The following GALNT13 variants were observed in gnomAD, a reference collection of about 807,000 sequenced individuals.
GALNT13 encodes UDP-GalNAc:polypeptide N-acetylgalactosaminyltransferase 13.
Under a neutral mutation model 64.2 loss-of-function variants are expected in GALNT13, and 28 were observed. The ratio of observed to expected loss-of-function variants is 0.44; its 90% CI spans 0.32 to 0.60. GALNT13 has a LOEUF of 0.60. Ranked by LOEUF, GALNT13 falls within the 20% of genes least tolerant of loss-of-function variation. GALNT13 has a pLI of 0.05. For synonymous variants in GALNT13, 214 were observed against 224.6 expected, an observed-to-expected ratio of 0.95 and a Z score of 0.42; for missense variants, 577 against 669.8, an observed-to-expected ratio of 0.86 and a Z score of 1.53.
At chr2:153,790,752 G>C in the GALNT13 span, among the ~76,000 whole-genome samples, 1 of 152,234 alleles carries the variant, frequency 6.6e-6, no homozygotes, top group Admixed American at 6.5e-5. Flanking sequence ...CTTCAGCAAA[G>C]TTTCAGGATA....
chr2:153,389,260 A>G, the GALNT13 span, among the ~76,000 whole-genome samples: 1 of 152,066 alleles, frequency 6.6e-6, no homozygotes, highest in African/African-American at 2.4e-5. Flanking sequence ...TATTTGAATT[A>G]TATATTGGGA....
intron 4 of GALNT13, among the ~76,000 whole-genome samples, chr2:154,238,718 A>G (rs1689324869): frequency 6.6e-6 from 1 of 151,984 alleles, no homozygotes; most frequent in Non-Finnish European, 1.5e-5. Flanking sequence ...ATTGAGGTAT[A>G]TTTGACAACT....
At chr2:153,260,819 C>G in the GALNT13 span, among the ~76,000 whole-genome samples, 1 of 152,180 alleles carries the variant, frequency 6.6e-6, no homozygotes, top group East Asian at 1.9e-4. Flanking sequence ...TCTTCAAGAC[C>G]AGTAGCTCTT....
the GALNT13 span, among the ~76,000 whole-genome samples, chr2:153,277,895 G>A: frequency 8.2e-6 from 1 of 122,104 alleles, no homozygotes; most frequent in African/African-American, 3.0e-5. Context: ...TGAATTGCTT[G>A]AGTTTCTTTT....
intron 3 of GALNT13, among the ~76,000 whole-genome samples, chr2:153,973,174 AAGT>A (rs66685528): frequency 0.067 from 10,120 of 151,998 alleles, 720 homozygotes; most frequent in African/African-American, 0.18. Flanking sequence ...AAAGTTAGAC[AAGT>A]AGTAGAGGCC....
chr2:153,445,377 A>G, the GALNT13 span, among the ~76,000 whole-genome samples: 1 of 152,136 alleles, frequency 6.6e-6, no homozygotes, highest in Non-Finnish European at 1.5e-5. Flanking sequence ...CAAAATAGGA[A>G]AATATAATGA....
the GALNT13 span, among the ~76,000 whole-genome samples, chr2:153,498,262 G>T: frequency 6.6e-6 from 1 of 152,240 alleles, no homozygotes; most frequent in Non-Finnish European, 1.5e-5. Flanking sequence ...CAAAAATAGT[G>T]TCATGGGATC....
At chr2:153,837,745 T>C in the GALNT13 span, among the ~76,000 whole-genome samples, 2 of 152,086 alleles carry the variant, frequency 1.3e-5, no homozygotes, top group Non-Finnish European at 2.9e-5. Context: ...TGCAGAAATC[T>C]CTTCCAGATA....
intron 3 of GALNT13, among the ~76,000 whole-genome samples, chr2:154,115,686 G>C (rs767975791): frequency 6.6e-6 from 1 of 152,082 alleles, no homozygotes; most frequent in Admixed American, 6.6e-5. Flanking sequence ...CTCCCAAAGT[G>C]CTGGGATTAC....
intron 9 of GALNT13, among the ~76,000 whole-genome samples, chr2:154,368,145 A>C (rs1207052771): frequency 1.8e-5 from 1 of 56,816 alleles, no homozygotes; most frequent in African/African-American, 6.7e-5. Context: ...TCAATGGATA[A>C]ATTGGATAAA....
intron 1 of GALNT13, among the ~76,000 whole-genome samples, chr2:153,886,907 A>G (rs1055720900): frequency 7.4e-6 from 1 of 135,598 alleles, no homozygotes; most frequent in Non-Finnish European, 1.6e-5. Flanking sequence ...GTAAAACACA[A>G]TTAAGTGTTA....
Position 154,384,262 on chromosome 2 carries a change from A to G in GALNT13, c.1157-11729A>G, listed in dbSNP as rs529618047. The stretch of plus-strand genomic sequence containing the variant: ...GTGTTTCTCAAAATATTTTCAGTGG[A>G]GCACTGTTGTCTCAAATTCTGGAAA... On this transcript the variant is annotated intron_variant, in intron 9 of 12. Transcript: ENST00000392825. Among the ~76,000 whole-genome samples the G allele has an allele frequency of 4.6e-5, 7 of 152,052 alleles. No homozygotes were observed. The East Asian group carries it at 1.4e-3, about 29-fold the overall frequency.
At chr2:153,821,081 C>T in the GALNT13 span, among the ~76,000 whole-genome samples, 1 of 152,166 alleles carries the variant, frequency 6.6e-6, no homozygotes, top group South Asian at 2.1e-4. Context: ...TTGGAGCACC[C>T]AGATTCTTAA....
the GALNT13 span, among the ~76,000 whole-genome samples, chr2:153,746,676 T>C: frequency 1.2e-4 from 19 of 152,158 alleles, no homozygotes; most frequent in African/African-American, 3.4e-4. Context: ...GTTATACTTA[T>C]GTTAAATTTT....
chr2:153,538,382 T>C, the GALNT13 span, among the ~76,000 whole-genome samples: 2 of 143,090 alleles, frequency 1.4e-5, no homozygotes, highest in Non-Finnish European at 3.0e-5. Flanking sequence ...TTTTATTTTA[T>C]TTTATTTTAT....
Position 153,947,443 on chromosome 2 carries a change from G to GT in GALNT13, c.142+2816dup, listed in dbSNP as rs199936366. 2.7e-3 allele frequency among the ~76,000 whole-genome samples: 379 copies of GT among 143,000 alleles called. 1 individual carries two copies. The highest frequency in any genetic ancestry group is 3.3e-3 in the Admixed American group (47 of 14,326). 93.8% of individuals were successfully genotyped at this position (143,000 alleles called of 152,430 possible). On this transcript the variant is annotated intron_variant, in intron 3 of 12. Coordinates refer to ENST00000392825, the MANE Select transcript of GALNT13 (RefSeq NM_052917.4). The stretch of plus-strand genomic sequence containing the variant: ...TTAAAGTAATGATCACTGATGTTGA[G>GT]TTTTTTTTTTTTCATATGATTGTTG...
chr2:153,346,825 A>T, the GALNT13 span, among the ~76,000 whole-genome samples: 1 of 152,188 alleles, frequency 6.6e-6, no homozygotes, highest in Non-Finnish European at 1.5e-5. Flanking sequence ...TAAAAATTGA[A>T]TTCCCATTGT....
At chr2:153,602,260 T>A in the GALNT13 span, among the ~76,000 whole-genome samples, 2 of 151,908 alleles carry the variant, frequency 1.3e-5, no homozygotes, top group African/African-American at 4.8e-5. Flanking sequence ...CTAAGTACTA[T>A]TTTAGGCACT....
At chr2:154,289,355 A>T (rs1692467569) in intron 8 of GALNT13, among the ~76,000 whole-genome samples, 1 of 152,218 alleles carries the variant, frequency 6.6e-6, no homozygotes, top group Admixed American at 6.5e-5. Flanking sequence ...CACACTGCTG[A>T]TAAAGAAATA....
Sources: allele counts gnomAD v4.1 joint callset (sites outside exome capture counted in the v4.1 genomes callset), GRCh38; gene constraint gnomAD v4.1.1; transcripts MANE v1.5; gene names NCBI Gene and HGNC (gene_info 2026-07-23, HGNC 2026-07-21).